Variants in SLC22A31 observed in about 807,000 individuals in gnomAD.
The protein encoded by SLC22A31 is solute carrier family 22 member 31, also known as putative solute carrier family 22 member 31.
SLC22A31 carries 42 observed loss-of-function variants against 27.4 expected under a neutral mutation model. The ratio of observed to expected loss-of-function variants is 1.53; its 90% CI spans 1.20 to 1.98. SLC22A31 has a LOEUF of 1.98. SLC22A31 is among the 30% of genes most tolerant of loss of function. SLC22A31 has a pLI of 0.00. For synonymous variants in SLC22A31, 290 were observed against 230.8 expected, an observed-to-expected ratio of 1.26 and a Z score of -2.33; for missense variants, 593 against 479.9, an observed-to-expected ratio of 1.24 and a Z score of -2.20.
At chr16:89,201,471 C>T, upstream of SLC22A31, 1 of 393,664 alleles carries the variant, frequency 2.5e-6, no homozygotes, top group Non-Finnish European at 4.5e-6. Context: ...CGCGGGTCCG[C>T]GCAGGGCGCG....
intron 8 of SLC22A31, 38 bp from the exon 9 acceptor site, chr16:89,196,343 G>C (rs946979702): frequency 9.4e-7 from 1 of 1,062,352 alleles, no homozygotes; most frequent in Non-Finnish European, 1.3e-6. Context: ...CCAGCCTCCT[G>C]GCCCAGGAAC....
upstream of SLC22A31, chr16:89,201,363 C>G (rs1289634082): frequency 5.2e-6 from 1 of 190,622 alleles, no homozygotes; most frequent in East Asian, 5.9e-5. Flanking sequence ...GGGCGCGGGC[C>G]CGGGGCGGGT....
rs146988259 is a variant in SLC22A31, at chr16:89,199,105, C to T, written c.370G>A (p.Gly124Ser). 1.5e-3 allele frequency: 2,353 copies of T among 1,535,732 alleles called. 34 individuals carry two copies. In the African/African-American group the frequency reaches 0.029, roughly 19 times the overall value. ...FSVVGTLLLP[G>S]LAALVQDWRL... ...CAGTCCTGCACAAGCGCAGCCAGGC[C>T]GGGCAGCAGCAGGGTGCCCACCACC... is the stretch of plus-strand genomic sequence containing the variant. The change falls in exon 4 of 9, where the codon GGC (glycine) becomes AGC (serine). Residue 124 changes from glycine (G) to serine (S), a missense_variant. Physicochemically the swap from Gly to Ser is moderately conservative, Grantham distance 56. Coordinates refer to ENST00000682282, the MANE Select transcript of SLC22A31 (RefSeq NM_001384763.1).
chr16:89,199,406 T>G lies in SLC22A31; in HGVS notation c.283+7A>C, dbSNP rs1479150625. On this transcript the variant is annotated splice_region_variant and intron_variant, in intron 3 of 8. Coordinates refer to ENST00000682282, the MANE Select transcript of SLC22A31 (RefSeq NM_001384763.1). ...CCCCCAGTGACAGCAGCCCCCAGGG[T>G]ACTCACGAGCCAGATACAGGGCGAG... 1.7e-6 allele frequency: 1 copy of G among 578,472 alleles called. No individual in the cohort carries two copies. Among genetic ancestry groups the G allele is most frequent in the East Asian group, 2.8e-5 (1 of 35,886 alleles). The allele number at this position is 578,472 out of a possible 1,614,324, so 35.8% of individuals were successfully genotyped here.
chr16:89,198,908 G>T (rs1916264662), intron 4 of SLC22A31, 111 bp from the exon 5 acceptor site: 2 of 1,487,058 alleles, frequency 1.3e-6, no homozygotes, highest in African/African-American at 1.4e-5. Flanking sequence ...CATCACTGTA[G>T]TTCTCTGTGA....
chr16:89,196,783 T>G (rs1342497312), intron 8 of SLC22A31, among the ~76,000 whole-genome samples: 2 of 151,880 alleles, frequency 1.3e-5, no homozygotes, highest in East Asian at 3.9e-4. Flanking sequence ...CTGTCTTTAC[T>G]AAAAATACAA....
In SLC22A31 at chr16:89,196,139, G is replaced by C. The variant is rs531799341; in HGVS notation, c.1201C>G (p.Arg401Gly). Residue 401 changes from arginine (R) to glycine (G), a missense_variant, in exon 9 of 9, where the codon CGG (arginine) becomes GGG (glycine). Coordinates refer to ENST00000682282, the MANE Select transcript of SLC22A31 (RefSeq NM_001384763.1). ...CVLLLPESRS[R>G]GLPQSLQDAD... is the part of the protein sequence containing the mutation. The stretch of plus-strand genomic sequence containing the variant: ...TCCTGCAGTGACTGGGGCAGCCCCC[G>C]GCTTCGGCTCTCAGGCAGCAGCAGG... The C allele has an allele frequency of 2.5e-5, 38 of 1,534,922 alleles. No individual in the cohort carries two copies. In the African/African-American group the frequency reaches 3.4e-4, roughly 14 times the overall value.
chr16:89,198,888 A>G lies in SLC22A31; in HGVS notation c.453-91T>C, dbSNP rs532811071. ...GGGCCCCCACCCCACCCCCAGGCTCAGGGGCAGGACATCACTGTAGTTCTC... is the reference window on the plus strand; with the variant it reads ...GGGCCCCCACCCCACCCCCAGGCTCGGGGGCAGGACATCACTGTAGTTCTC... On this transcript the variant is annotated intron_variant, in intron 4 of 8. Coordinates refer to ENST00000682282, the MANE Select transcript of SLC22A31 (RefSeq NM_001384763.1). 32 of 1,489,280 alleles carry G rather than the reference A, an allele frequency of 2.1e-5. No homozygotes were observed. The South Asian group carries it at 4.0e-4, about 19-fold the overall frequency. 92.3% of individuals were successfully genotyped at this position (1,489,280 alleles called of 1,614,324 possible). A position where few individuals can be genotyped will look rare whatever the true frequency, so the allele number is the denominator to read the frequency against.
rs763607214 is a variant in SLC22A31, at chr16:89,198,167, T to C, written c.877A>G (p.Met293Val). ...AGCAGGGATGCCAGGCCTGTGACCA[T>C]GGTGCCCAGCAGCAGCACGGGGCGG... ...GRRPVLLLGT[M>V]VTGLASLLLL... is the part of the protein sequence containing the mutation. Residue 293 changes from methionine (M) to valine (V), a missense_variant, in exon 7 of 9, where the codon ATG (methionine) becomes GTG (valine). Physicochemically the swap from Met to Val is conservative, Grantham distance 21. Coordinates refer to ENST00000682282, the MANE Select transcript of SLC22A31 (RefSeq NM_001384763.1). 306 of 1,535,064 alleles carry C rather than the reference T, an allele frequency of 2.0e-4. 1 individual carries two copies. The highest frequency in any genetic ancestry group is 2.5e-4 in the Non-Finnish European group (290 of 1,146,810).
Position 89,196,092 on chromosome 16 carries a change from G to A in SLC22A31, c.1248C>T (p.Ser416=). 6.5e-7 allele frequency: 1 copy of A among 1,533,392 alleles called. No individual in the cohort carries two copies. Among genetic ancestry groups the A allele is most frequent in the Non-Finnish European group, 8.7e-7 (1 of 1,146,084 alleles). The allele number at this position is 1,533,392 out of a possible 1,614,324, so 95.0% of individuals were successfully genotyped here. ...SLQDADRLRR[S]PLLRGRPRQD... The stretch of plus-strand genomic sequence containing the variant: ...GGCGGGGGCGGCCCCGCAGGAGTGG[G>A]GAGCGGCGCAGGCGGTCGGCGTCCT... Residue 416 remains serine, a synonymous_variant, in exon 9 of 9, where the codon TCC becomes TCT. Coordinates refer to ENST00000682282, the MANE Select transcript of SLC22A31 (RefSeq NM_001384763.1).
chr16:89,199,032 A>G lies in SLC22A31; in HGVS notation c.443T>C (p.Leu148Pro). The G allele has an allele frequency of 1.3e-6, 2 of 1,535,404 alleles. No homozygotes were observed. The highest frequency in any genetic ancestry group is 1.7e-6 in the Non-Finnish European group (2 of 1,146,644). Residue 148 changes from leucine to proline, a missense_variant, in exon 4 of 9, where the codon CTC (leucine) becomes CCC (proline). Leu to Pro is a moderately conservative substitution (Grantham distance 98, BLOSUM62 -3). Transcript: ENST00000682282. ...CTCCCACCACACTTACCCCCAAAAG[A>G]GCAGCAAGAGTCCACTCATCAGGGC... ...LGALMSGLLLLFWGFPALFPE... is the reference protein window; with the variant it reads ...LGALMSGLLLPFWGFPALFPE...
rs1916265042 is a variant in SLC22A31 at position 89,198,910 on chromosome 16, T to C, written c.452+113A>G. 54 of 1,486,926 alleles carry C rather than the reference T, an allele frequency of 3.6e-5. No individual in the cohort carries two copies. The South Asian group carries it at 5.8e-4, about 16-fold the overall frequency. The allele number at this position is 1,486,926 out of a possible 1,614,324, so 92.1% of individuals were successfully genotyped here. A position where few individuals can be genotyped will look rare whatever the true frequency, so the allele number is the denominator to read the frequency against. On this transcript the variant is annotated intron_variant, in intron 4 of 8. Transcript: ENST00000682282. ...CTCAGGGGCAGGACATCACTGTAGT[T>C]CTCTGTGACCCTGTAACCCATGCGT... is the stretch of plus-strand genomic sequence containing the variant.
In SLC22A31 at chr16:89,196,046, G is replaced by C; in HGVS notation, c.1294C>G (p.Pro432Ala). ...RPRQDHLPLL[P>A]PSNSYWAGHT... ...CCGGCCCAGTAGGAGTTGGAGGGCG[G>C]CAGCAGAGGCAGGTGGTCCTGGCGG... The change falls in exon 9 of 9, where the codon CCG (proline) becomes GCG (alanine). Residue 432 changes from proline to alanine, a missense_variant. Coordinates refer to ENST00000682282, the MANE Select transcript of SLC22A31 (RefSeq NM_001384763.1). 6.5e-7 allele frequency: 1 copy of C among 1,529,296 alleles called. No homozygotes were observed. The highest frequency in any genetic ancestry group is 1.4e-5 in the African/African-American group (1 of 72,906). The allele number at this position is 1,529,296 out of a possible 1,614,324, so 94.7% of individuals were successfully genotyped here.
In SLC22A31 at chr16:89,196,243, T is replaced by C; in HGVS notation, c.1097A>G (p.Asp366Gly). Residue 366 changes from aspartate (D) to glycine (G), a missense_variant, in exon 9 of 9, where the codon GAC (aspartate) becomes GGC (glycine). Physicochemically the swap from Asp to Gly is moderately conservative, Grantham distance 94. Transcript: ENST00000682282. Reference sequence around the variant, plus strand: ...GAAGCCCTGCCGGCCGTGCAGGGTGTCCAGGGGGCCGGCTGCCTGGCCCAG... The same window carrying C: ...GAAGCCCTGCCGGCCGTGCAGGGTGCCCAGGGGGCCGGCTGCCTGGCCCAG... ...GFLGQAAGPL[D>G]TLHGRQGFFL... The C allele has an allele frequency of 2.0e-6, 3 of 1,533,922 alleles. No individual in the cohort carries two copies. Among genetic ancestry groups the C allele is most frequent in the Non-Finnish European group, 2.6e-6 (3 of 1,146,284 alleles).
At chr16:89,196,879 G>C (rs1487729572) in intron 8 of SLC22A31, among the ~76,000 whole-genome samples, 1 of 151,634 alleles carries the variant, frequency 6.6e-6, no homozygotes, top group African/African-American at 2.4e-5. Flanking sequence ...CAGAGAGTTG[G>C]AGGCTGCAGT....
intron 8 of SLC22A31, among the ~76,000 whole-genome samples, chr16:89,197,063 C>T (rs1303812253): frequency 6.6e-6 from 1 of 152,152 alleles, no homozygotes; most frequent in Non-Finnish European, 1.5e-5. Context: ...TTCAGGCCTG[C>T]GTGGCCTTCC....
Position 89,198,493 on chromosome 16 carries a change from A to G in SLC22A31, c.656T>C (p.Leu219Pro), listed in dbSNP as rs973222717. The change falls in exon 6 of 9, where the codon CTT becomes CCT. Residue 219 changes from leucine to proline, a missense_variant. Leu to Pro is a moderately conservative substitution (Grantham distance 98). Coordinates refer to ENST00000682282, the MANE Select transcript of SLC22A31 (RefSeq NM_001384763.1). Reference sequence around the variant, plus strand: ...TCTCCAGGTGACTCGGGTACGCAGAAGCCCCAGTGGGGAGTGGTACCGGGG... The same window carrying G: ...TCTCCAGGTGACTCGGGTACGCAGAGGCCCCAGTGGGGAGTGGTACCGGGG... ...PQPRYHSPLG[L>P]LRTRVTWRNG... The G allele has an allele frequency of 2.2e-5, 34 of 1,519,616 alleles. No homozygotes were observed. Among genetic ancestry groups the G allele is most frequent in the Non-Finnish European group, 3.0e-5 (34 of 1,138,114 alleles). 94.1% of individuals were successfully genotyped at this position (1,519,616 alleles called of 1,614,324 possible). A position where few individuals can be genotyped will look rare whatever the true frequency, so the allele number is the denominator to read the frequency against.
chr16:89,198,314 C>A lies in SLC22A31; in HGVS notation c.730G>T (p.Ala244Ser). The A allele has an allele frequency of 6.5e-7, 1 of 1,535,900 alleles. No individual in the cohort carries two copies. The highest frequency in any genetic ancestry group is 8.7e-7 in the Non-Finnish European group (1 of 1,146,868). The change falls in exon 7 of 9, where the codon GCT (alanine) becomes TCT (serine). Residue 244 changes from alanine to serine, a missense_variant. Physicochemically the swap from Ala to Ser is moderately conservative, Grantham distance 99. Coordinates refer to ENST00000682282, the MANE Select transcript of SLC22A31 (RefSeq NM_001384763.1). ...GGTGCCAGGCTGCGGCGGAAGCTAG[C>A]TCTGATGCCTCCACCAACCAGCCTG... The part of the protein sequence containing the change: ...FSSLVGGGIR[A>S]SFRRSLAPQV...
In SLC22A31 at chr16:89,198,300, G is replaced by C; in HGVS notation, c.744C>G (p.Arg248=). 1 of 1,535,958 alleles carries C rather than the reference G, an allele frequency of 6.5e-7. No homozygotes were observed. The highest frequency in any genetic ancestry group is 8.7e-7 in the Non-Finnish European group (1 of 1,146,902). ...AGGTCGGCACCTGAGGTGCCAGGCT[G>C]CGGCGGAAGCTAGCTCTGATGCCTC... The part of the protein sequence containing the change: ...VGGGIRASFR[R]SLAPQVPTFY... The change falls in exon 7 of 9, where the codon CGC becomes CGG. Residue 248 remains arginine, a synonymous_variant. Coordinates refer to ENST00000682282, the MANE Select transcript of SLC22A31 (RefSeq NM_001384763.1).
Sources: gnomAD v4.1 joint callset for allele counts (sites outside exome capture counted in the v4.1 genomes callset) on GRCh38, gnomAD v4.1.1 for gene constraint, MANE v1.5 for transcripts, NCBI Gene and HGNC (gene_info 2026-07-23, HGNC 2026-07-21) for gene names.